GPR158: variants seen among roughly 807,000 people sequenced by gnomAD.
The protein encoded by GPR158 is G protein-coupled receptor 158.
In GPR158, 30 loss-of-function variants were observed where a neutral mutation model predicts 78.2. The ratio of observed to expected loss-of-function variants is 0.38; its 90% CI spans 0.29 to 0.52. The LOEUF (loss-of-function observed/expected upper bound fraction) is 0.52. Ranked by LOEUF, GPR158 falls within the 20% of genes least tolerant of loss-of-function variation. The pLI is 0.83. For synonymous variants in GPR158, 581 were observed against 591.1 expected, an observed-to-expected ratio of 0.98 and a Z score of 0.25; for missense variants, 1,463 against 1,523.5, an observed-to-expected ratio of 0.96 and a Z score of 0.66.
intron 2 of GPR158, among the ~76,000 whole-genome samples, chr10:25,286,105 A>ATG (rs1854348120): frequency 6.6e-6 from 1 of 151,930 alleles, no homozygotes; most frequent in Admixed American, 6.6e-5. Context: ...ATATGCCTAT[A>ATG]TGTGTGTGTG....
chr10:25,456,260 G>A (rs1440125548), intron 4 of GPR158, among the ~76,000 whole-genome samples: 16 of 151,998 alleles, frequency 1.1e-4, no homozygotes, highest in Admixed American at 9.8e-4. Flanking sequence ...TAAATGTCTT[G>A]TCAGAATCAA....
At chr10:25,269,330 G>C (rs1367963448) in intron 2 of GPR158, among the ~76,000 whole-genome samples, 1 of 152,210 alleles carries the variant, frequency 6.6e-6, no homozygotes, top group Admixed American at 6.5e-5. Flanking sequence ...CAGAGTATGT[G>C]AAGAAGTTCT....
chr10:25,317,831 C>G (rs139335287), intron 2 of GPR158, among the ~76,000 whole-genome samples: 1 of 151,374 alleles, frequency 6.6e-6, no homozygotes, highest in Non-Finnish European at 1.5e-5. Context: ...TAGGTTCAAG[C>G]GATTCTTCTG....
intron 7 of GPR158, among the ~76,000 whole-genome samples, chr10:25,580,123 G>A (rs1372877914): frequency 4.6e-5 from 7 of 152,148 alleles, no homozygotes; most frequent in African/African-American, 1.4e-4. Context: ...AAAGAAAGAC[G>A]TAAATGAAGA....
intron 2 of GPR158, among the ~76,000 whole-genome samples, chr10:25,239,879 CTTATTT>C (rs1853579914): frequency 6.6e-6 from 1 of 152,050 alleles, no homozygotes; most frequent in African/African-American, 2.4e-5. Context: ...TTTAATATAT[CTTATTT>C]TTAGTTATCA....
chr10:25,327,359 G>T (rs1855050880), intron 2 of GPR158, among the ~76,000 whole-genome samples: 1 of 152,130 alleles, frequency 6.6e-6, no homozygotes, highest in South Asian at 2.1e-4. Context: ...CAGGTTTTCT[G>T]TGGCCTTAAC....
intron 5 of GPR158, among the ~76,000 whole-genome samples, chr10:25,502,930 C>T (rs980056726): frequency 1.3e-5 from 2 of 152,144 alleles, no homozygotes; most frequent in Non-Finnish European, 2.9e-5. Context: ...GTTCCCAAGC[C>T]ACCTTTTTAA....
At chr10:25,585,293 A>C (rs1932147) in intron 7 of GPR158, among the ~76,000 whole-genome samples, 44,437 of 152,048 alleles carry the variant, frequency 0.29, 6,946 homozygotes, top group East Asian at 0.49. Flanking sequence ...CTTACTCAAC[A>C]ATTATTTACT....
At chr10:25,338,460 TTACGTATATTA>T (rs1204531725) in intron 2 of GPR158, among the ~76,000 whole-genome samples, 1 of 126,186 alleles carries the variant, frequency 7.9e-6, no homozygotes, top group African/African-American at 3.4e-5. Flanking sequence ...AATATATATA[TTACGTATATTA>T]TACGTATAAT....
Position 25,466,666 on chromosome 10 carries a change from G to A in GPR158, c.1351G>A (p.Gly451Ser). The change falls in exon 5 of 11, where the codon GGC becomes AGC. Residue 451 changes from glycine to serine, a missense_variant. Coordinates refer to ENST00000376351, the MANE Select transcript of GPR158 (RefSeq NM_020752.3). ...GTTTTTTCAGAGCATCCGGGCATCG[G>A]GCCTTATCCTGTTGGAAACGATCCT... ...FRKAKSIRAS[G>S]LILLETILFG... 6.2e-7 allele frequency: 1 copy of A among 1,605,176 alleles called. No individual in the cohort carries two copies. Among genetic ancestry groups the A allele is most frequent in the African/African-American group, 1.3e-5 (1 of 74,626 alleles).
At chr10:25,327,474 C>A (rs770583314) in intron 2 of GPR158, among the ~76,000 whole-genome samples, 2 of 152,172 alleles carry the variant, frequency 1.3e-5, no homozygotes, top group Admixed American at 1.3e-4. Context: ...ACAAGGGAAC[C>A]GTTGAATTAA....
At chr10:25,362,941 A>G (rs997187035) in intron 2 of GPR158, among the ~76,000 whole-genome samples, 6 of 152,002 alleles carry the variant, frequency 3.9e-5, no homozygotes, top group African/African-American at 1.4e-4. Context: ...ATTTTATGGT[A>G]TATCTCTTTC....
chr10:25,519,608 T>G (rs1208663619), intron 5 of GPR158, among the ~76,000 whole-genome samples: 3 of 143,992 alleles, frequency 2.1e-5, no homozygotes, highest in African/African-American at 8.7e-5. Flanking sequence ...GTCTGTAAAG[T>G]ATTTTATTTC....
At position 25,600,812 on chromosome 10, in the gene GPR158, T is replaced by C. The variant is rs929760122; in HGVS notation, c.*1538T>C. 1 of 152,220 alleles carries C rather than the reference T, an allele frequency of 6.6e-6. No individual in the cohort carries two copies. Among genetic ancestry groups the C allele is most frequent in the African/African-American group, 2.4e-5 (1 of 41,444 alleles). The allele number at this position is 152,220 out of a possible 1,614,324, so 9.4% of individuals were successfully genotyped here. On this transcript the variant is annotated 3_prime_UTR_variant, in exon 11 of 11. Coordinates refer to ENST00000376351, the MANE Select transcript of GPR158 (RefSeq NM_020752.3). ...AGCAAAGCAGCCCCCAAAGCATATT[T>C]TATAAAGCTTATTGCATTCCACACT...
At chr10:25,486,878 A>G (rs2130642773) in intron 5 of GPR158, among the ~76,000 whole-genome samples, 1 of 152,200 alleles carries the variant, frequency 6.6e-6, no homozygotes, top group South Asian at 2.1e-4. Flanking sequence ...AAATAGATAA[A>G]TGGGAATTTT....
chr10:25,527,820 A>G (rs917406215), intron 5 of GPR158, among the ~76,000 whole-genome samples: 1 of 152,106 alleles, frequency 6.6e-6, no homozygotes, highest in Non-Finnish European at 1.5e-5. Flanking sequence ...AAAAAATGGA[A>G]TACACAAATT....
At chr10:25,508,916 G>A (rs16926019) in intron 5 of GPR158, among the ~76,000 whole-genome samples, 5,498 of 152,186 alleles carry the variant, frequency 0.036, 339 homozygotes, top group African/African-American at 0.12. Flanking sequence ...GTTTTAACAC[G>A]CCTTAGCATC....
Position 25,320,033 on chromosome 10 carries a change from C to T in GPR158, c.1009-75878C>T, listed in dbSNP as rs536951329. On this transcript the variant is annotated intron_variant, in intron 2 of 10. Coordinates refer to ENST00000376351, the MANE Select transcript of GPR158 (RefSeq NM_020752.3). ...CGACATCCAACCCCCTCAAGTCACACTGCTTTATGATCCACCCTAATCCAG... is the reference window on the plus strand; with the variant it reads ...CGACATCCAACCCCCTCAAGTCACATTGCTTTATGATCCACCCTAATCCAG... Among the ~76,000 whole-genome samples, 6 of 152,324 alleles carry T rather than the reference C, an allele frequency of 3.9e-5. No homozygotes were observed. In the East Asian group the frequency reaches 1.2e-3, roughly 29 times the overall value.
intron 4 of GPR158, among the ~76,000 whole-genome samples, chr10:25,452,876 C>T (rs75561289): frequency 0.01 from 1,576 of 152,244 alleles, 5 homozygotes; most frequent in Non-Finnish European, 0.015. Flanking sequence ...TGATCAGTAT[C>T]TCCCCACTTC....
Sources: allele counts gnomAD v4.1 joint callset (sites outside exome capture counted in the v4.1 genomes callset), GRCh38; gene constraint gnomAD v4.1.1; transcripts MANE v1.5; gene names NCBI Gene and HGNC (gene_info 2026-07-23, HGNC 2026-07-21).